Variants in MGAT1 observed in about 807,000 individuals in gnomAD.
MGAT1 encodes alpha-1,3-mannosyl-glycoprotein 2-beta-N-acetylglucosaminyltransferase.
MGAT1 carries 14 observed loss-of-function variants against 31.7 expected under a neutral mutation model. That is an observed-to-expected ratio of 0.44 (90% CI 0.29 to 0.69). MGAT1 has a LOEUF of 0.69. Ranked by LOEUF, MGAT1 falls within the 30% of genes least tolerant of loss-of-function variation. The pLI is 0.12. For missense variants in MGAT1, 557 were observed against 626.0 expected, an observed-to-expected ratio of 0.89 and a Z score of 1.18; for synonymous variants, 338 against 276.0, an observed-to-expected ratio of 1.22 and a Z score of -2.23.
At chr5:180,794,680 G>C (rs1416391006) in intron 1 of MGAT1, among the ~76,000 whole-genome samples, 1 of 149,006 alleles carries the variant, frequency 6.7e-6, no homozygotes, top group African/African-American at 2.5e-5. Flanking sequence ...TTGATCCCCT[G>C]TGTGGTGGTG....
At chr5:180,810,668 G>A (rs1772480338) in intron 1 of MGAT1, 2 of 120,090 alleles carry the variant, frequency 1.7e-5, no homozygotes, top group South Asian at 2.5e-4. Flanking sequence ...CAAAAAGGGT[G>A]ACCCCCCCCC....
chr5:180,808,846 C>T (rs998244547), exon 2 of MGAT1: 3 of 152,232 alleles, frequency 2.0e-5, no homozygotes, highest in South Asian at 2.1e-4. Flanking sequence ...CCCCTCCCCC[C>T]CCACTGCAGA....
Position 180,791,687 on chromosome 5 carries a change from C to A in MGAT1, c.1285G>T (p.Val429Phe). The change falls in exon 2 of 2, where the codon GTC becomes TTC. Residue 429 changes from valine to phenylalanine, a missense_variant. Around this residue, in one of 3 missense-constraint regions of MGAT1, gnomAD observed 145 missense variants for 143.2 expected, o/e 1.01. Coordinates refer to ENST00000307826, the MANE Select transcript of MGAT1 (RefSeq NM_002406.4). ...CACGTCAGTGGGGGCGCCAGGTGGA[C>A]ACGGCGGCCCCGGAACTGGAAGGTG... ...IVTFQFRGRR[V>F]HLAPPLTWEG... The A allele has an allele frequency of 6.2e-7, 1 of 1,613,876 alleles. No homozygotes were observed. Among genetic ancestry groups the A allele is most frequent in the Non-Finnish European group, 8.5e-7 (1 of 1,180,024 alleles).
chr5:180,801,567 G>A (rs1770771198), intron 1 of MGAT1, among the ~76,000 whole-genome samples: 1 of 152,196 alleles, frequency 6.6e-6, no homozygotes, highest in Non-Finnish European at 1.5e-5. Context: ...GGAGGGAAGG[G>A]ATGCAGGTTA....
intron 1 of MGAT1, chr5:180,810,105 A>C (rs1581925072): frequency 1.1e-5 from 1 of 92,594 alleles, no homozygotes; most frequent in African/African-American, 4.3e-5. Flanking sequence ...TCCAGGCCCC[A>C]GGCCCGATCC....
chr5:180,801,979 A>G (rs879576179), intron 1 of MGAT1, among the ~76,000 whole-genome samples: 1 of 152,242 alleles, frequency 6.6e-6, no homozygotes, highest in East Asian at 1.9e-4. Flanking sequence ...AGCACGTAAG[A>G]GCAAAGGCTA....
At chr5:180,804,013 T>G (rs146986641), upstream of MGAT1, 2 of 152,304 alleles carry the variant, frequency 1.3e-5, no homozygotes, top group African/African-American at 4.8e-5. Flanking sequence ...TGTTTCTACA[T>G]GAAACCACGA....
At chr5:180,806,779 C>A (rs1013414483), upstream of MGAT1, among the ~76,000 whole-genome samples, 1 of 152,188 alleles carries the variant, frequency 6.6e-6, no homozygotes, top group Non-Finnish European at 1.5e-5. Context: ...AGAAGCATTA[C>A]GCAAATACGC....
chr5:180,805,345 T>C (rs759575225), upstream of MGAT1, among the ~76,000 whole-genome samples: 6 of 152,196 alleles, frequency 3.9e-5, no homozygotes, highest in Non-Finnish European at 8.8e-5. Context: ...GTGAAAACTG[T>C]TCCAGGAAAC....
Position 180,792,660 on chromosome 5 carries a change from C to A in MGAT1, c.312G>T (p.Ala104=), listed in dbSNP as rs567177607. ...AGGCGATGACCAGGATGGGAATCAC[C>A]GCCGGCGCGGGGGTCACAGGCACAC... ...QPRVPVTPAP[A]VIPILVIACD... is the part of the protein sequence containing the mutation. The change falls in exon 2 of 2, where the codon GCG becomes GCT. Residue 104 remains alanine, a synonymous_variant. Coordinates refer to ENST00000307826, the MANE Select transcript of MGAT1 (RefSeq NM_002406.4). 33 of 1,578,912 alleles carry A rather than the reference C, an allele frequency of 2.1e-5. No homozygotes were observed. The highest frequency in any genetic ancestry group is 2.7e-5 in the African/African-American group (2 of 74,322).
rs375182038 is a variant in MGAT1, at chr5:180,802,729, G to A, written c.-176C>T. On this transcript the variant is annotated 5_prime_UTR_variant, in exon 1 of 2. Transcript: ENST00000307826. ...CGAACTTGGCCTGCTCCGGGGCGCAGGGAGCGAGCCCGGTGCCCAGGCGCG... is the reference window on the plus strand; with the variant it reads ...CGAACTTGGCCTGCTCCGGGGCGCAAGGAGCGAGCCCGGTGCCCAGGCGCG... 2.0e-5 allele frequency: 3 copies of A among 152,210 alleles called. No individual in the cohort carries two copies. The highest frequency in any genetic ancestry group is 4.4e-5 in the Non-Finnish European group (3 of 68,056). The allele number at this position is 152,210 out of a possible 1,614,324, so 9.4% of individuals were successfully genotyped here. A position where few individuals can be genotyped will look rare whatever the true frequency, so the allele number is the denominator to read the frequency against.
chr5:180,800,393 G>A (rs1376703672), intron 1 of MGAT1, among the ~76,000 whole-genome samples: 1 of 152,238 alleles, frequency 6.6e-6, no homozygotes, highest in Non-Finnish European at 1.5e-5. Context: ...GAGATGACGT[G>A]TCTCTGCTCC....
chr5:180,802,607 C>T (rs1771089769), intron 1 of MGAT1, 73 bp downstream of exon 1: 1 of 152,362 alleles, frequency 6.6e-6, no homozygotes, highest in Admixed American at 6.5e-5. Flanking sequence ...GGCGACCCGA[C>T]GTCCCTTGGG....
At position 180,788,612 on chromosome 5, in the gene MGAT1, C is replaced by T. The variant is rs568670286; in HGVS notation, c.*3022G>A. 1.3e-5 allele frequency: 2 copies of T among 152,290 alleles called. No homozygotes were observed. Among genetic ancestry groups the T allele is most frequent in the East Asian group, 1.9e-4 (1 of 5,198 alleles). 9.4% of individuals were successfully genotyped at this position (152,290 alleles called of 1,614,324 possible). On this transcript the variant is annotated 3_prime_UTR_variant, in exon 2 of 2. Transcript: ENST00000307826. ...AAAACAGGAGCAAAACAGTACCCAC[C>T]GCCTAGGCTTGCTCTGAGGATCAAG...
At chr5:180,802,610 C>G (rs1771091618) in intron 1 of MGAT1, 70 bp downstream of exon 1, 1 of 152,424 alleles carries the variant, frequency 6.6e-6, no homozygotes, top group African/African-American at 2.4e-5. Context: ...GACCCGACGT[C>G]CCTTGGGCTC....
chr5:180,812,961 T>C (rs1772667095), intron 1 of MGAT1, among the ~76,000 whole-genome samples: 1 of 152,250 alleles, frequency 6.6e-6, no homozygotes, highest in Non-Finnish European at 1.5e-5. Flanking sequence ...CTATGGCATT[T>C]TTAATGACCA....
intron 1 of MGAT1, among the ~76,000 whole-genome samples, chr5:180,801,838 G>C (rs1281969020): frequency 6.6e-6 from 1 of 152,200 alleles, no homozygotes; most frequent in East Asian, 1.9e-4. Context: ...CTGAGGTCAG[G>C]CATACCGCAG....
Position 180,792,876 on chromosome 5 carries a change from T to C in MGAT1, c.96A>G (p.Pro32=), listed in dbSNP as rs906622840. The part of the protein sequence containing the change: ...ALLLLFFWTR[P]APGRPPSVSA... ...TGACTGAGGGTGGCCTGCCAGGTGC[T>C]GGGCGCGTCCAGAAGAAGAGGAGCA... Residue 32 remains proline (P), a synonymous_variant, in exon 2 of 2, where the codon CCA becomes CCG. Transcript: ENST00000307826. 6.3e-7 allele frequency: 1 copy of C among 1,590,850 alleles called. No homozygotes were observed. The highest frequency in any genetic ancestry group is 1.1e-5 in the South Asian group (1 of 87,804).
At chr5:180,805,024 T>C (rs1271638741), upstream of MGAT1, among the ~76,000 whole-genome samples, 2 of 152,140 alleles carry the variant, frequency 1.3e-5, no homozygotes, top group African/African-American at 2.4e-5. Flanking sequence ...AAGCAAGCAC[T>C]TGGTCTGAGA....
Sources: gnomAD v4.1 joint callset for allele counts (sites outside exome capture counted in the v4.1 genomes callset) on GRCh38, gnomAD v4.1.1 for gene constraint, gnomAD v4.1.1 regional missense constraint, MANE v1.5 for transcripts, NCBI Gene and HGNC (gene_info 2026-07-23, HGNC 2026-07-21) for gene names.